Variants in SLC9A9 observed in about 807,000 individuals in gnomAD.
SLC9A9 encodes solute carrier family 9 member A9.
SLC9A9 carries 62 observed loss-of-function variants against 77.8 expected under a neutral mutation model. The ratio of observed to expected loss-of-function variants is 0.80; its 90% CI spans 0.65 to 0.98. SLC9A9 has a LOEUF of 0.98. Among genes scored for constraint, SLC9A9 ranks in the 50% least tolerant of loss-of-function variants. The probability of loss-of-function intolerance (pLI) is 0.00; values close to 1 mark genes in which losing one functional copy is unlikely to be tolerated. For missense variants in SLC9A9, 775 were observed against 774.9 expected (o/e 1.00, Z 0.00); for synonymous variants, 320 against 283.5 (o/e 1.13, Z -1.29).
chr3:143,643,379 T>C (rs1366314843), intron 6 of SLC9A9, among the ~76,000 whole-genome samples: 3 of 152,242 alleles, frequency 2.0e-5, no homozygotes, highest in African/African-American at 4.8e-5. Context: ...CTACACAGTC[T>C]ATGTGACTGA....
intron 12 of SLC9A9, among the ~76,000 whole-genome samples, chr3:143,443,167 G>GT (rs1418917079): frequency 3.7e-4 from 56 of 151,340 alleles, no homozygotes; most frequent in Non-Finnish European, 2.9e-5. Context: ...GCTTGGGGGT[G>GT]TGGGGGCTGG....
chr3:143,338,384 C>G (rs1488329415), intron 14 of SLC9A9, among the ~76,000 whole-genome samples: 2 of 152,084 alleles, frequency 1.3e-5, no homozygotes, highest in African/African-American at 4.8e-5. Flanking sequence ...AAAATCCTGA[C>G]AAGCAGACAG....
At chr3:143,366,205 C>G (rs2032896991) in intron 13 of SLC9A9, among the ~76,000 whole-genome samples, 1 of 152,220 alleles carries the variant, frequency 6.6e-6, no homozygotes, top group Non-Finnish European at 1.5e-5. Context: ...TGGTCCCAAG[C>G]TATTGAATGC....
At chr3:143,463,474 G>T (rs1487127063) in intron 12 of SLC9A9, among the ~76,000 whole-genome samples, 1 of 152,168 alleles carries the variant, frequency 6.6e-6, no homozygotes, top group African/African-American at 2.4e-5. Context: ...CTTGTTTACT[G>T]GCTTTTGTAG....
intron 6 of SLC9A9, among the ~76,000 whole-genome samples, chr3:143,635,916 G>A (rs1232808448): frequency 1.3e-5 from 2 of 152,034 alleles, no homozygotes; most frequent in African/African-American, 2.4e-5. Context: ...CTGTTTCAAC[G>A]GCTATTTTTT....
chr3:143,394,406 T>C (rs1329147068), intron 12 of SLC9A9, among the ~76,000 whole-genome samples: 1 of 152,184 alleles, frequency 6.6e-6, no homozygotes, highest in Admixed American at 6.5e-5. Context: ...TCAACAACTC[T>C]TCATGCTAAA....
chr3:143,770,735 A>G (rs1244088153), intron 4 of SLC9A9, among the ~76,000 whole-genome samples: 1 of 152,196 alleles, frequency 6.6e-6, no homozygotes, highest in African/African-American at 2.4e-5. Flanking sequence ...ATATCACTGA[A>G]AAAAACTCTC....
rs778599348 is a variant in SLC9A9, at chr3:143,495,342, C to T, written c.1196G>A (p.Gly399Glu). 1.2e-5 allele frequency: 19 copies of T among 1,611,652 alleles called. No homozygotes were observed. Among genetic ancestry groups the T allele is most frequent in the Admixed American group, 1.7e-5 (1 of 59,982 alleles). The change falls in exon 10 of 16, where the codon GGA becomes GAA. Residue 399 changes from glycine to glutamate, a missense_variant. Physicochemically the swap from Gly to Glu is moderately conservative, Grantham distance 98. Coordinates refer to ENST00000316549, the MANE Select transcript of SLC9A9 (RefSeq NM_173653.4). The part of the protein sequence containing the change: ...NHIFNALFIL[G>E]AFLAIFVARA... ...CTGTATTTCAAAGGATACAAAGGCTCCAAGTATAAAAAGAGCATTAAAGAT... is the reference window on the plus strand; with the variant it reads ...CTGTATTTCAAAGGATACAAAGGCTTCAAGTATAAAAAGAGCATTAAAGAT...
intron 6 of SLC9A9, among the ~76,000 whole-genome samples, chr3:143,607,590 T>C (rs978163508): frequency 6.6e-6 from 1 of 152,072 alleles, no homozygotes; most frequent in South Asian, 2.1e-4. Flanking sequence ...ATGTATTCTA[T>C]GTTAATTATG....
intron 5 of SLC9A9, among the ~76,000 whole-genome samples, chr3:143,679,065 A>G (rs1366766514): frequency 1.3e-5 from 2 of 151,816 alleles, no homozygotes; most frequent in African/African-American, 4.8e-5. Context: ...GGGGGGTGGG[A>G]AGAGTGCAGC....
intron 14 of SLC9A9, among the ~76,000 whole-genome samples, chr3:143,308,729 G>T (rs2030908471): frequency 2.0e-5 from 3 of 152,138 alleles, no homozygotes; most frequent in Non-Finnish European, 4.4e-5. Flanking sequence ...GAGTTCTGGG[G>T]GTTAAATGGC....
chr3:143,343,048 T>C (rs558583538), intron 14 of SLC9A9, among the ~76,000 whole-genome samples: 1 of 152,328 alleles, frequency 6.6e-6, no homozygotes, highest in East Asian at 1.9e-4. Flanking sequence ...GTTTCTCAAA[T>C]CTACAACTAT....
chr3:143,772,335 T>A (rs2007552118), intron 4 of SLC9A9, among the ~76,000 whole-genome samples: 2 of 152,150 alleles, frequency 1.3e-5, no homozygotes, highest in Admixed American at 6.5e-5. Context: ...GAGACTTAGT[T>A]TCAGTTACCC....
chr3:143,706,629 G>A (rs929043998), intron 4 of SLC9A9, among the ~76,000 whole-genome samples: 1 of 152,148 alleles, frequency 6.6e-6, no homozygotes, highest in Non-Finnish European at 1.5e-5. Flanking sequence ...TCTTGAACAA[G>A]GATCCATGAA....
intron 6 of SLC9A9, among the ~76,000 whole-genome samples, chr3:143,644,390 A>G (rs575783261): frequency 6.6e-6 from 1 of 152,360 alleles, no homozygotes; most frequent in African/African-American, 2.4e-5. Context: ...AGAGTTCTGG[A>G]GACGCTGCCA....
intron 14 of SLC9A9, among the ~76,000 whole-genome samples, chr3:143,317,117 A>G (rs995692465): frequency 1.1e-4 from 16 of 152,228 alleles, no homozygotes; most frequent in African/African-American, 3.6e-4. Flanking sequence ...CTCCAAGAGA[A>G]AAACAAATGA....
At position 143,507,823 on chromosome 3, in the gene SLC9A9, G is replaced by A. The variant is rs568341877; in HGVS notation, c.1090-12375C>T. On this transcript the variant is annotated intron_variant, in intron 9 of 15. Coordinates refer to ENST00000316549, the MANE Select transcript of SLC9A9 (RefSeq NM_173653.4). ...CCAACATTAAGGTGGCTGCAGATCT[G>A]GTGTTGAGAGCCCATTTCCTAGTTT... 1.2e-4 allele frequency among the ~76,000 whole-genome samples: 19 copies of A among 152,278 alleles called. No homozygotes were observed. In the South Asian group the frequency reaches 3.1e-3, roughly 25 times the overall value.
intron 14 of SLC9A9, among the ~76,000 whole-genome samples, chr3:143,296,590 G>A (rs754556025): frequency 1.3e-5 from 2 of 152,162 alleles, no homozygotes; most frequent in Non-Finnish European, 2.9e-5. Context: ...AAGTGGGATT[G>A]CTAGATCATA....
chr3:143,712,473 A>G (rs16854158), intron 4 of SLC9A9, among the ~76,000 whole-genome samples: 5,546 of 152,280 alleles, frequency 0.036, 330 homozygotes, highest in African/African-American at 0.13. Context: ...AAAGATAACG[A>G]GCAATCTACC....
Sources: allele counts gnomAD v4.1 joint callset (sites outside exome capture counted in the v4.1 genomes callset), GRCh38; gene constraint gnomAD v4.1.1; transcripts MANE v1.5; gene names NCBI Gene and HGNC (gene_info 2026-07-23, HGNC 2026-07-21).